The following ARID5A variants were observed in gnomAD, a reference collection of about 807,000 sequenced individuals.
ARID5A encodes AT-rich interactive domain-containing protein 5A.
A neutral mutation model predicts 30.5 loss-of-function variants in ARID5A; 14 were observed. That is an observed-to-expected ratio of 0.46 (90% CI 0.30 to 0.72). The LOEUF (loss-of-function observed/expected upper bound fraction) is 0.72. ARID5A is among the 30% of genes least tolerant of loss of function. The probability of loss-of-function intolerance (pLI) is 0.07; values close to 1 mark genes in which losing one functional copy is unlikely to be tolerated. For synonymous variants in ARID5A, 338 were observed against 340.4 expected (o/e 0.99, Z 0.08); for missense variants, 669 against 786.2 (o/e 0.85, Z 1.78).
Position 96,536,789 on chromosome 2 carries a change from A to T in ARID5A, c.-38A>T. On this transcript the variant is annotated 5_prime_UTR_variant, in exon 1 of 7. Transcript: ENST00000357485. ...GCGGGGTCCGGACAGCCGCGCGCTGAGGGTCTCGGGGCGGGCGCCGCGGGA... is the reference window on the plus strand; with the variant it reads ...GCGGGGTCCGGACAGCCGCGCGCTGTGGGTCTCGGGGCGGGCGCCGCGGGA... 8.6e-7 allele frequency: 1 copy of T among 1,161,112 alleles called. No individual in the cohort carries two copies. The highest frequency in any genetic ancestry group is 1.1e-6 in the Non-Finnish European group (1 of 946,502). 71.9% of individuals were successfully genotyped at this position (1,161,112 alleles called of 1,614,324 possible). A position where few individuals can be genotyped will look rare whatever the true frequency, so the allele number is the denominator to read the frequency against.
chr2:96,551,750 A>T lies in ARID5A; in HGVS notation c.1222A>T (p.Ile408Phe), dbSNP rs2066050810. 6.6e-7 allele frequency: 1 copy of T among 1,522,682 alleles called. No individual in the cohort carries two copies. Among genetic ancestry groups the T allele is most frequent in the African/African-American group, 1.4e-5 (1 of 71,682 alleles). The allele number at this position is 1,522,682 out of a possible 1,614,324, so 94.3% of individuals were successfully genotyped here. ...AFHKGGSRKGILYPKPKACWV... is the reference protein window; with the variant it reads ...AFHKGGSRKGFLYPKPKACWV... ...CCATAAAGGTGGCTCCAGAAAGGGC[A>T]TCCTCTACCCCAAGCCCAAAGCCTG... The change falls in exon 7 of 7, where the codon ATC (isoleucine) becomes TTC (phenylalanine). Residue 408 changes from isoleucine to phenylalanine, a missense_variant. By Grantham distance (21) the Ile-to-Phe change is conservative. Around this residue, in one of 4 missense-constraint regions of ARID5A, gnomAD observed 548 missense variants for 577.4 expected, o/e 0.95. Coordinates refer to ENST00000357485, the MANE Select transcript of ARID5A (RefSeq NM_212481.3).
intron 1 of ARID5A, 88 bp from the exon 2 acceptor site, chr2:96,547,314 A>T: frequency 2.6e-6 from 3 of 1,136,232 alleles, no homozygotes; most frequent in Non-Finnish European, 2.5e-6. Flanking sequence ...AATTGGGAGT[A>T]GGGAGAGTGC....
In ARID5A at chr2:96,552,159, C is replaced by T; in HGVS notation, c.1631C>T (p.Pro544Leu). The T allele has an allele frequency of 1.2e-6, 2 of 1,613,206 alleles. No homozygotes were observed. The highest frequency in any genetic ancestry group is 1.7e-6 in the Non-Finnish European group (2 of 1,179,984). Reference sequence around the variant, plus strand: ...GCCCACTTCCTGGCCACCGCAGGCCCCTCGCCCATGGCCGCTGGCCTGATG... The same window carrying T: ...GCCCACTTCCTGGCCACCGCAGGCCTCTCGCCCATGGCCGCTGGCCTGATG... The part of the protein sequence containing the change: ...FPAHFLATAG[P>L]SPMAAGLMHF... The change falls in exon 7 of 7, where the codon CCC (proline) becomes CTC (leucine). Residue 544 changes from proline to leucine, a missense_variant. Pro to Leu is a moderately conservative substitution (Grantham distance 98). Transcript: ENST00000357485.
rs142129013 is a variant in ARID5A, at chr2:96,550,373, C to T, written c.410+88C>T. ...CCGGGAGGGCCGGGTGGACTCTGCC[C>T]GGAGCGGGCAGGGTATGCGCCGTCC... is the stretch of plus-strand genomic sequence containing the variant. On this transcript the variant is annotated intron_variant, in intron 5 of 6. Coordinates refer to ENST00000357485, the MANE Select transcript of ARID5A (RefSeq NM_212481.3). The surrounding 1 kb of genome is among the most constrained non-coding windows in gnomAD (Gnocchi z 6.6). 61 of 1,428,176 alleles carry T rather than the reference C, an allele frequency of 4.3e-5. No individual in the cohort carries two copies. The highest frequency in any genetic ancestry group is 3.4e-4 in the African/African-American group (23 of 68,614). The allele number at this position is 1,428,176 out of a possible 1,614,324, so 88.5% of individuals were successfully genotyped here. A position where few individuals can be genotyped will look rare whatever the true frequency, so the allele number is the denominator to read the frequency against.
Position 96,551,129 on chromosome 2 carries a change from G to A in ARID5A, c.601G>A (p.Ala201Thr), listed in dbSNP as rs759800138. ...MMPGKTKADA[A>T]DPAPLPSQEP... ...GCCAGGAAAGACCAAAGCAGATGCTGCTGACCCAGCACCACTTCCCAGCCA... is the reference window on the plus strand; with the variant it reads ...GCCAGGAAAGACCAAAGCAGATGCTACTGACCCAGCACCACTTCCCAGCCA... The change falls in exon 7 of 7, where the codon GCT becomes ACT. Residue 201 changes from alanine (A) to threonine (T), a missense_variant. Ala to Thr is a moderately conservative substitution (Grantham distance 58, BLOSUM62 0). This residue lies in a region of ARID5A where 548 missense variants were observed against 577.4 expected (regional missense o/e 0.95). Coordinates refer to ENST00000357485, the MANE Select transcript of ARID5A (RefSeq NM_212481.3). 3.4e-5 allele frequency: 55 copies of A among 1,613,274 alleles called. No homozygotes were observed. Among genetic ancestry groups the A allele is most frequent in the Non-Finnish European group, 4.7e-5 (55 of 1,179,694 alleles).
intron 1 of ARID5A, among the ~76,000 whole-genome samples, chr2:96,540,738 G>T (rs547396513): frequency 6.6e-6 from 1 of 152,304 alleles, no homozygotes; most frequent in Non-Finnish European, 1.5e-5. Flanking sequence ...CAGTAGTGGG[G>T]GTTTTTTGTT....
rs1026944111 is a variant in ARID5A, at chr2:96,550,390, G to A, written c.410+105G>A. 73 of 1,434,104 alleles carry A rather than the reference G, an allele frequency of 5.1e-5. No individual in the cohort carries two copies. The highest frequency in any genetic ancestry group is 2.9e-4 in the Admixed American group (10 of 34,952). 88.8% of individuals were successfully genotyped at this position (1,434,104 alleles called of 1,614,324 possible). A position where few individuals can be genotyped will look rare whatever the true frequency, so the allele number is the denominator to read the frequency against. On this transcript the variant is annotated intron_variant, in intron 5 of 6. Transcript: ENST00000357485. This position sits in a 1 kb window ranked among gnomAD's most constrained non-coding sequence, Gnocchi z 6.6. Reference sequence around the variant, plus strand: ...ACTCTGCCCGGAGCGGGCAGGGTATGCGCCGTCCTCAGAGCTGCGGGAGCC... The same window carrying A: ...ACTCTGCCCGGAGCGGGCAGGGTATACGCCGTCCTCAGAGCTGCGGGAGCC...
At chr2:96,543,993 A>C (rs1485889410) in intron 1 of ARID5A, among the ~76,000 whole-genome samples, 1 of 152,202 alleles carries the variant, frequency 6.6e-6, no homozygotes, top group African/African-American at 2.4e-5. Context: ...ATAATGGAGA[A>C]AGTTTGAGAA....
chr2:96,541,665 G>A (rs1446101076), intron 1 of ARID5A, among the ~76,000 whole-genome samples: 2 of 152,242 alleles, frequency 1.3e-5, no homozygotes, highest in African/African-American at 4.8e-5. Context: ...TGTGTTACAA[G>A]TGAGTAATGA....
In ARID5A at chr2:96,543,955, A is replaced by T. The variant is rs140755598; in HGVS notation, c.5-3447A>T. On this transcript the variant is annotated intron_variant, in intron 1 of 6. Coordinates refer to ENST00000357485, the MANE Select transcript of ARID5A (RefSeq NM_212481.3). ...AGAAGTGCTATTCCAGTGAACACGC[A>T]TGGTAAAGCAAAACAGCCTTATTGC... 7.7e-3 allele frequency among the ~76,000 whole-genome samples: 1,172 copies of T among 152,328 alleles called. 18 individuals are homozygous for T. The highest frequency in any genetic ancestry group is 0.027 in the African/African-American group (1,130 of 41,566).
intron 1 of ARID5A, among the ~76,000 whole-genome samples, chr2:96,547,098 G>A (rs2065941908): frequency 1.3e-5 from 2 of 152,084 alleles, no homozygotes; most frequent in African/African-American, 4.8e-5. Flanking sequence ...GCCTGTGTGT[G>A]TGTGTGCATG....
chr2:96,547,563 A>G (rs1194432400), intron 2 of ARID5A, 46 bp downstream of exon 2: 1 of 1,568,830 alleles, frequency 6.4e-7, no homozygotes, highest in Non-Finnish European at 8.8e-7. Context: ...CTTCCCTGCC[A>G]CCCTCACCTG....
At position 96,550,863 on chromosome 2, in the gene ARID5A, G is replaced by C; in HGVS notation, c.570+130G>C. ...CTGCACCCAGGGCGGGACTTGCAAG[G>C]TTCCAGGTTCTCCACAGATGGTTGT... is the stretch of plus-strand genomic sequence containing the variant. On this transcript the variant is annotated intron_variant, in intron 6 of 6. Transcript: ENST00000357485. This position sits in a 1 kb window ranked among gnomAD's most constrained non-coding sequence, Gnocchi z 6.6. 7.4e-6 allele frequency: 10 copies of C among 1,346,022 alleles called. No individual in the cohort carries two copies. Among genetic ancestry groups the C allele is most frequent in the Non-Finnish European group, 9.9e-6 (10 of 1,011,244 alleles). 83.4% of individuals were successfully genotyped at this position (1,346,022 alleles called of 1,614,324 possible). A position where few individuals can be genotyped will look rare whatever the true frequency, so the allele number is the denominator to read the frequency against.
At chr2:96,547,018 T>C (rs1011040) in intron 1 of ARID5A, among the ~76,000 whole-genome samples, 104,823 of 152,002 alleles carry the variant, frequency 0.69, 36,467 homozygotes, top group South Asian at 0.88. Context: ...GGGGAGATAG[T>C]TGGAGCAGAG....
At chr2:96,542,835 A>G (rs1233788916) in intron 1 of ARID5A, among the ~76,000 whole-genome samples, 1 of 152,040 alleles carries the variant, frequency 6.6e-6, no homozygotes, top group African/African-American at 2.4e-5. Context: ...AGGGGAGGGG[A>G]TGTGTGAGCT....
chr2:96,546,992 TTTCC>T lies in ARID5A; in HGVS notation c.5-406_5-403del, dbSNP rs1348204089. On this transcript the variant is annotated intron_variant, in intron 1 of 6. Transcript: ENST00000357485. Reference sequence around the variant, plus strand: ...GACTTGACCTCAAGGTGGTTTTGCGTTTCCTTCAAAGATGTGGGGAGATAGTTGG... The same window carrying T: ...GACTTGACCTCAAGGTGGTTTTGCGTTTCAAAGATGTGGGGAGATAGTTGG... Among the ~76,000 whole-genome samples, 25 of 152,106 alleles carry T rather than the reference TTTCC, an allele frequency of 1.6e-4. No homozygotes were observed. In the South Asian group the frequency reaches 4.8e-3, roughly 29 times the overall value.
chr2:96,544,168 G>A (rs982367620), intron 1 of ARID5A, among the ~76,000 whole-genome samples: 5 of 152,192 alleles, frequency 3.3e-5, no homozygotes, highest in African/African-American at 9.7e-5. Flanking sequence ...AAGGAAAGAC[G>A]CCATCACCAT....
intron 1 of ARID5A, chr2:96,538,395 T>C: frequency 1.1e-6 from 1 of 936,464 alleles, no homozygotes; most frequent in Non-Finnish European, 1.3e-6. Flanking sequence ...CTCCTTCCCT[T>C]TCTGTACCCT....
rs947541897 is a variant in ARID5A, at chr2:96,539,654, C to G, written c.4+2824C>G. Among the ~76,000 whole-genome samples the G allele has an allele frequency of 8.5e-5, 13 of 152,344 alleles. No individual in the cohort carries two copies. The highest frequency in any genetic ancestry group is 1.4e-4 in the African/African-American group (6 of 41,586). ...CCCTTATTCAAAGATGGTGGGTCCT[C>G]TGGGCCCTCCCCGACCCAGGCCAGG... is the stretch of plus-strand genomic sequence containing the variant. On this transcript the variant is annotated intron_variant, in intron 1 of 6. Transcript: ENST00000357485. This position sits in a 1 kb window ranked among gnomAD's most constrained non-coding sequence, Gnocchi z 4.7.
Sources: gnomAD v4.1 joint callset for allele counts (sites outside exome capture counted in the v4.1 genomes callset) on GRCh38, gnomAD v4.1.1 for gene constraint, gnomAD v4.1.1 regional missense constraint, Gnocchi (gnomAD v3.1) non-coding constraint, MANE v1.5 for transcripts, NCBI Gene and HGNC (gene_info 2026-07-23, HGNC 2026-07-21) for gene names.